XKR6: variants seen among roughly 807,000 people sequenced by gnomAD.
XKR6 encodes the protein XK-related protein 6.
In XKR6, 22 loss-of-function variants were observed where a neutral mutation model predicts 56.7. That is an observed-to-expected ratio of 0.39 (90% CI 0.28 to 0.55). The LOEUF is 0.55. Among genes scored for constraint, XKR6 ranks in the 20% least tolerant of loss-of-function variants. The pLI is 0.66. For missense variants in XKR6, 852 were observed against 889.0 expected, an observed-to-expected ratio of 0.96 and a Z score of 0.53; for synonymous variants, 524 against 387.8, an observed-to-expected ratio of 1.35 and a Z score of -4.13.
intron 2 of XKR6, among the ~76,000 whole-genome samples, chr8:10,911,306 A>G (rs1800355173): frequency 7.0e-6 from 1 of 142,736 alleles, no homozygotes; most frequent in African/African-American, 2.7e-5. Context: ...ATATATGTGT[A>G]GAGAGAGAGG....
At chr8:11,190,535 T>C (rs546574248) in intron 1 of XKR6, among the ~76,000 whole-genome samples, 57 of 152,320 alleles carry the variant, frequency 3.7e-4, no homozygotes, top group Admixed American at 1.4e-3. Flanking sequence ...CCCAGAGGTA[T>C]TAATATTACT....
chr8:11,144,661 T>C (rs932780499), intron 1 of XKR6, among the ~76,000 whole-genome samples: 1 of 152,084 alleles, frequency 6.6e-6, no homozygotes, highest in African/African-American at 2.4e-5. Context: ...TTTCCAGGTA[T>C]AGACCCAAGT....
chr8:11,011,687 G>A (rs949858652), intron 1 of XKR6, among the ~76,000 whole-genome samples: 15 of 152,220 alleles, frequency 9.9e-5, no homozygotes, highest in African/African-American at 3.4e-4. Flanking sequence ...GACAGGGAAT[G>A]CCTGGGGACA....
At chr8:10,962,115 G>A (rs775112345) in intron 1 of XKR6, among the ~76,000 whole-genome samples, 2 of 152,188 alleles carry the variant, frequency 1.3e-5, no homozygotes, top group Non-Finnish European at 2.9e-5. Flanking sequence ...CCGCGGGGGC[G>A]ACAGAGTGGG....
intron 1 of XKR6, among the ~76,000 whole-genome samples, chr8:11,080,225 C>G (rs1797670048): frequency 2.0e-5 from 3 of 151,918 alleles, no homozygotes; most frequent in Admixed American, 2.0e-4. Context: ...CCTGGGCTCC[C>G]CTAGTCATTA....
intron 1 of XKR6, among the ~76,000 whole-genome samples, chr8:11,088,655 A>C (rs1797971465): frequency 1.3e-5 from 2 of 152,226 alleles, no homozygotes; most frequent in African/African-American, 4.8e-5. Context: ...CTAAATATTT[A>C]GATTCAAGTG....
intron 1 of XKR6, among the ~76,000 whole-genome samples, chr8:11,113,418 A>G (rs939453648): frequency 5.9e-5 from 9 of 152,238 alleles, no homozygotes; most frequent in African/African-American, 2.2e-4. Context: ...TGTAAAAAGA[A>G]GCCACTGTAT....
At chr8:10,924,382 C>T (rs1800812463) in intron 2 of XKR6, among the ~76,000 whole-genome samples, 1 of 152,274 alleles carries the variant, frequency 6.6e-6, no homozygotes, top group South Asian at 2.1e-4. Context: ...CCGGCTGGCT[C>T]TGCTCTGCTC....
At chr8:10,980,600 G>C (rs1350099298) in intron 1 of XKR6, among the ~76,000 whole-genome samples, 1 of 152,152 alleles carries the variant, frequency 6.6e-6, no homozygotes, top group East Asian at 1.9e-4. Flanking sequence ...CCATGGATTA[G>C]GACTGATGGA....
intron 1 of XKR6, among the ~76,000 whole-genome samples, chr8:11,012,047 G>A (rs937508660): frequency 4.6e-5 from 7 of 152,214 alleles, no homozygotes; most frequent in African/African-American, 1.7e-4. Context: ...GCCCCACTAA[G>A]GACTCTGAAG....
At chr8:10,920,355 A>G (rs1321976605) in intron 2 of XKR6, among the ~76,000 whole-genome samples, 3 of 152,166 alleles carry the variant, frequency 2.0e-5, no homozygotes, top group Non-Finnish European at 4.4e-5. Flanking sequence ...ACAACTCTCT[A>G]TGATAGGTAC....
At chr8:10,968,822 G>A (rs374790912) in intron 1 of XKR6, among the ~76,000 whole-genome samples, 53 of 152,356 alleles carry the variant, frequency 3.5e-4, no homozygotes, top group South Asian at 3.3e-3. Context: ...CACAGGGCTC[G>A]GGCAGTCCAG....
intron 2 of XKR6, among the ~76,000 whole-genome samples, chr8:10,910,858 G>A (rs1426872077): frequency 6.6e-6 from 1 of 152,224 alleles, no homozygotes; most frequent in Non-Finnish European, 1.5e-5. Flanking sequence ...CCACCCAGCT[G>A]GCATGGCACA....
rs550686951 is a variant in XKR6 at position 10,929,818 on chromosome 8, T to G, written c.765-4988A>C. On this transcript the variant is annotated intron_variant, in intron 1 of 2. Transcript: ENST00000416569. ...TCACCATGCAGATGGCAGCCATTAC[T>G]GCTCCCTGAGGTGCCCTGTTCCTGT... is the stretch of plus-strand genomic sequence containing the variant. 4.1e-4 allele frequency among the ~76,000 whole-genome samples: 62 copies of G among 152,324 alleles called. 1 individual carries two copies. The highest frequency in any genetic ancestry group is 1.4e-3 in the African/African-American group (58 of 41,586).
chr8:10,962,859 G>A (rs1802104430), intron 1 of XKR6, among the ~76,000 whole-genome samples: 1 of 152,124 alleles, frequency 6.6e-6, no homozygotes, highest in Non-Finnish European at 1.5e-5. Flanking sequence ...CTGACCTCAG[G>A]TAATCCACCC....
At chr8:10,941,836 G>A (rs1376993538) in intron 1 of XKR6, among the ~76,000 whole-genome samples, 1 of 152,182 alleles carries the variant, frequency 6.6e-6, no homozygotes, top group African/African-American at 2.4e-5. Context: ...GGGAGCCCTG[G>A]AGGCCCCAGG....
chr8:10,905,960 CT>C (rs935323410), intron 2 of XKR6, among the ~76,000 whole-genome samples: 2 of 152,144 alleles, frequency 1.3e-5, no homozygotes, highest in Admixed American at 1.3e-4. Context: ...GACAAAGGTA[CT>C]TTCCTATTTG....
At chr8:11,068,736 C>T (rs1800043457) in intron 1 of XKR6, among the ~76,000 whole-genome samples, 1 of 152,196 alleles carries the variant, frequency 6.6e-6, no homozygotes, top group African/African-American at 2.4e-5. Context: ...GAGCTGCAGC[C>T]AACCCAGCCA....
At chr8:10,958,293 G>A (rs1243337675) in intron 1 of XKR6, among the ~76,000 whole-genome samples, 1 of 152,252 alleles carries the variant, frequency 6.6e-6, no homozygotes, top group East Asian at 1.9e-4. Flanking sequence ...GGGAAACAGA[G>A]GCCTGAGTGC....
Sources: gnomAD v4.1 joint callset for allele counts (sites outside exome capture counted in the v4.1 genomes callset) on GRCh38, gnomAD v4.1.1 for gene constraint, MANE v1.5 for transcripts, NCBI Gene and HGNC (gene_info 2026-07-23, HGNC 2026-07-21) for gene names.